The following CGN variants were observed in gnomAD, a reference collection of about 807,000 sequenced individuals.
The protein encoded by CGN is cingulin.
Under a neutral mutation model 157.1 loss-of-function variants are expected in CGN, and 121 were observed. The ratio of observed to expected loss-of-function variants is 0.77; its 90% confidence interval spans 0.66 to 0.90. CGN has a LOEUF of 0.90. Among genes scored for constraint, CGN ranks in the 40% least tolerant of loss-of-function variants. The pLI is 0.00. For missense variants in CGN, 1,424 were observed against 1,520.9 expected (o/e 0.94, Z 1.06); for synonymous variants, 535 against 607.5 (o/e 0.88, Z 1.76).
chr1:151,531,808 T>A (rs114684210), intron 13 of CGN, among the ~76,000 whole-genome samples: 2,225 of 150,858 alleles, frequency 0.015, 53 homozygotes, highest in African/African-American at 0.05. Context: ...AAGTGCACAT[T>A]TTATCATTTG....
chr1:151,524,663 A>G lies in CGN; in HGVS notation c.1402-11A>G, dbSNP rs1664627363. On this transcript the variant is annotated splice_polypyrimidine_tract_variant and intron_variant, in intron 7 of 20. Transcript: ENST00000271636. The surrounding 1 kb of genome is among the most constrained non-coding windows in gnomAD (Gnocchi z 4.4). ...TGGTCACCCCTGTACTTCTTCCTTT[A>G]TTTTCTCCAGGACCTGTTAGAGACC... 3.8e-6 allele frequency: 6 copies of G among 1,597,216 alleles called. No homozygotes were observed. Among genetic ancestry groups the G allele is most frequent in the Non-Finnish European group, 5.1e-6 (6 of 1,174,064 alleles).
chr1:151,511,033 G>C (rs1664268876), upstream of CGN: 1 of 152,276 alleles, frequency 6.6e-6, no homozygotes, highest in African/African-American at 2.4e-5. The surrounding 1 kb of genome is among the most constrained non-coding windows in gnomAD (Gnocchi z 4.8). Context: ...CCTGGCCGGC[G>C]ATTCCCTTGG....
chr1:151,524,759 A>T lies in CGN; in HGVS notation c.1487A>T (p.Glu496Val). ...GAGCAGCTGAGGCTGCGGGAGCGGG[A>T]GTTGACAGCCCTGAAGGGGGCCCTG... is the stretch of plus-strand genomic sequence containing the variant. ...VEEQLRLRER[E>V]LTALKGALKE... is the part of the protein sequence containing the mutation. Residue 496 changes from glutamate to valine, a missense_variant, in exon 8 of 21, where the codon GAG becomes GTG. By Grantham distance (121) the Glu-to-Val change is moderately radical. Coordinates refer to ENST00000271636, the MANE Select transcript of CGN (RefSeq NM_020770.3). The surrounding 1 kb of genome is among the most constrained non-coding windows in gnomAD (Gnocchi z 4.4). 6.2e-7 allele frequency: 1 copy of T among 1,612,142 alleles called. No homozygotes were observed. Among genetic ancestry groups the T allele is most frequent in the Admixed American group, 1.7e-5 (1 of 59,450 alleles).
In CGN at chr1:151,518,451, G is replaced by A. The variant is rs889775702; in HGVS notation, c.-14-55G>A. The A allele has an allele frequency of 6.9e-6, 10 of 1,452,100 alleles. No homozygotes were observed. In the African/African-American group the frequency reaches 1.4e-4, roughly 21 times the overall value. The allele number at this position is 1,452,100 out of a possible 1,614,324, so 90.0% of individuals were successfully genotyped here. On this transcript the variant is annotated intron_variant, in intron 1 of 20. Coordinates refer to ENST00000271636, the MANE Select transcript of CGN (RefSeq NM_020770.3). ...CAGGGAAGTCAGCCCGCAGGTAGAA[G>A]TTTCATAGTTTCTAGTGAAGTCTCT...
chr1:151,518,502 C>G lies in CGN; in HGVS notation c.-14-4C>G. On this transcript the variant is annotated splice_polypyrimidine_tract_variant and splice_region_variant and intron_variant, in intron 1 of 20. Coordinates refer to ENST00000271636, the MANE Select transcript of CGN (RefSeq NM_020770.3). ...CAGCCTAAACTCATTTCTTCATCTT[C>G]TAGGACTCCTCCTATTTATGGAGCA... 6.3e-7 allele frequency: 1 copy of G among 1,589,092 alleles called. No homozygotes were observed. Among genetic ancestry groups the G allele is most frequent in the Non-Finnish European group, 8.6e-7 (1 of 1,164,304 alleles).
In CGN at chr1:151,527,067, C is replaced by T. The variant is rs1310224614; in HGVS notation, c.1856C>T (p.Ala619Val). The T allele has an allele frequency of 1.9e-6, 3 of 1,614,138 alleles. No individual in the cohort carries two copies. Among genetic ancestry groups the T allele is most frequent in the Non-Finnish European group, 2.5e-6 (3 of 1,180,034 alleles). Residue 619 changes from alanine (A) to valine (V), a missense_variant, in exon 10 of 21, where the codon GCT (alanine) becomes GTT (valine). Coordinates refer to ENST00000271636, the MANE Select transcript of CGN (RefSeq NM_020770.3). ...VLQRELEQARASAGDTRQVEV... is the reference protein window; with the variant it reads ...VLQRELEQARVSAGDTRQVEV... Reference sequence around the variant, plus strand: ...CAGAGGGAATTAGAGCAGGCCCGAGCTAGTGCTGGAGATACTCGCCAGGTT... The same window carrying T: ...CAGAGGGAATTAGAGCAGGCCCGAGTTAGTGCTGGAGATACTCGCCAGGTT...
In CGN at chr1:151,532,587, T is replaced by C; in HGVS notation, c.2742+15T>C. 1 of 1,418,232 alleles carries C rather than the reference T, an allele frequency of 7.1e-7. No homozygotes were observed. The highest frequency in any genetic ancestry group is 9.3e-7 in the Non-Finnish European group (1 of 1,071,942). The allele number at this position is 1,418,232 out of a possible 1,614,324, so 87.9% of individuals were successfully genotyped here. A position where few individuals can be genotyped will look rare whatever the true frequency, so the allele number is the denominator to read the frequency against. Reference sequence around the variant, plus strand: ...TTCAGGATGAGGTAGAAGTCTAATATCCTTGGGTTTGAAGGTCCTTGCCTC... The same window carrying C: ...TTCAGGATGAGGTAGAAGTCTAATACCCTTGGGTTTGAAGGTCCTTGCCTC... On this transcript the variant is annotated intron_variant, in intron 14 of 20. Transcript: ENST00000271636.
Position 151,525,785 on chromosome 1 carries a change from G to T in CGN, c.1758G>T (p.Lys586Asn). 2 of 1,597,248 alleles carry T rather than the reference G, an allele frequency of 1.3e-6. No individual in the cohort carries two copies. Among genetic ancestry groups the T allele is most frequent in the Non-Finnish European group, 1.7e-6 (2 of 1,171,368 alleles). Reference protein sequence around the residue: ...QKNKEDLRATKQELLQLRMEK... With the variant: ...QKNKEDLRATNQELLQLRMEK... ...ACAAGGAGGATCTTAGAGCCACCAA[G>T]CAGGAGTAAGGACATTGGCCCTCTC... Residue 586 changes from lysine (K) to asparagine (N), a missense_variant, in exon 9 of 21, where the codon AAG (lysine) becomes AAT (asparagine). Coordinates refer to ENST00000271636, the MANE Select transcript of CGN (RefSeq NM_020770.3).
chr1:151,523,460 A>T lies in CGN; in HGVS notation c.1167A>T (p.Gln389His). The T allele has an allele frequency of 6.2e-7, 1 of 1,613,536 alleles. No individual in the cohort carries two copies. Among genetic ancestry groups the T allele is most frequent in the Non-Finnish European group, 8.5e-7 (1 of 1,179,788 alleles). ...VKKRQKLEPS[Q>H]VGLERQLEEK... The stretch of plus-strand genomic sequence containing the variant: ...AGCGGCAGAAGCTAGAGCCATCCCA[A>T]GTTGGGCTGGAGCGGCAGCTGGAGG... Residue 389 changes from glutamine (Q) to histidine (H), a missense_variant, in exon 6 of 21, where the codon CAA (glutamine) becomes CAT (histidine). Physicochemically the swap from Gln to His is conservative, Grantham distance 24. Coordinates refer to ENST00000271636, the MANE Select transcript of CGN (RefSeq NM_020770.3).
At chr1:151,515,802 A>G (rs966011064) in intron 1 of CGN, among the ~76,000 whole-genome samples, 18 of 152,310 alleles carry the variant, frequency 1.2e-4, no homozygotes, top group Non-Finnish European at 2.5e-4. Flanking sequence ...GGTTGCATAC[A>G]TCAGGTGAAG....
intron 20 of CGN, 69 bp from the exon 21 acceptor site, chr1:151,537,136 A>G: frequency 2.0e-6 from 3 of 1,524,970 alleles, no homozygotes; most frequent in Non-Finnish European, 2.7e-6. Flanking sequence ...TTTCCTTTGT[A>G]CAAAAAGGGT....
chr1:151,533,967 C>T lies in CGN; in HGVS notation c.2743-8C>T. 6.2e-7 allele frequency: 1 copy of T among 1,603,238 alleles called. No homozygotes were observed. The highest frequency in any genetic ancestry group is 1.1e-5 in the South Asian group (1 of 89,742). On this transcript the variant is annotated splice_region_variant and splice_polypyrimidine_tract_variant and intron_variant, in intron 14 of 20. Coordinates refer to ENST00000271636, the MANE Select transcript of CGN (RefSeq NM_020770.3). ...CACTGAGCTGTGGCATTTTTACCCC[C>T]TGCCCAGATCCAGAGGCTGCGGCAG...
chr1:151,536,324 T>A lies in CGN; in HGVS notation c.3285T>A (p.His1095Gln), dbSNP rs767409082. The stretch of plus-strand genomic sequence containing the variant: ...TCCAGATTGAAGACGAGCGGCAGCA[T>A]GTCAATGACCAGAAAGACCAGGTGA... The part of the protein sequence containing the change: ...LSIQIEDERQ[H>Q]VNDQKDQLSL... The change falls in exon 19 of 21, where the codon CAT becomes CAA. Residue 1095 changes from histidine to glutamine, a missense_variant. This residue lies in a region of CGN where 199 missense variants were observed against 272.2 expected (regional missense o/e 0.73). Transcript: ENST00000271636. 6.2e-7 allele frequency: 1 copy of A among 1,608,156 alleles called. No individual in the cohort carries two copies. Among genetic ancestry groups the A allele is most frequent in the African/African-American group, 1.3e-5 (1 of 74,822 alleles).
intron 5 of CGN, among the ~76,000 whole-genome samples, chr1:151,522,682 G>A: frequency 6.6e-6 from 1 of 151,854 alleles, no homozygotes; most frequent in Non-Finnish European, 1.5e-5. Flanking sequence ...GGGAGGCTGA[G>A]GTGGACAGAT....
In CGN at chr1:151,524,790, G is replaced by C. The variant is rs1440103708; in HGVS notation, c.1518G>C (p.Glu506Asp). Residue 506 changes from glutamate (E) to aspartate (D), a missense_variant, in exon 8 of 21, where the codon GAG becomes GAC. Around this residue, in one of 3 missense-constraint regions of CGN, gnomAD observed 1,187 missense variants for 1,217.6 expected, o/e 0.97. Coordinates refer to ENST00000271636, the MANE Select transcript of CGN (RefSeq NM_020770.3). This position sits in a 1 kb window ranked among gnomAD's most constrained non-coding sequence, Gnocchi z 4.4. ...CAGCCCTGAAGGGGGCCCTGAAAGA[G>C]GAGGTAGCCTCCCGTGACCAGGAGG... ...ELTALKGALK[E>D]EVASRDQEVE... 2.5e-6 allele frequency: 4 copies of C among 1,612,838 alleles called. No individual in the cohort carries two copies. Among genetic ancestry groups the C allele is most frequent in the Non-Finnish European group, 3.4e-6 (4 of 1,179,954 alleles).
At position 151,534,064 on chromosome 1, in the gene CGN, G is replaced by A. The variant is rs375514348; in HGVS notation, c.2832G>A (p.Gln944=). ...LDKELLAQRL[Q]GLEQEAENKK... The stretch of plus-strand genomic sequence containing the variant: ...AAGAGCTACTGGCCCAGCGACTGCA[G>A]GGGCTGGAGCAAGAGGCAGAGAACA... Residue 944 remains glutamine (Q), a synonymous_variant, in exon 15 of 21, where the codon CAG becomes CAA. Transcript: ENST00000271636. 8.1e-6 allele frequency: 13 copies of A among 1,613,752 alleles called. No homozygotes were observed. The highest frequency in any genetic ancestry group is 1.1e-5 in the Non-Finnish European group (13 of 1,179,842).
In CGN at chr1:151,524,089, G is replaced by A. The variant is rs374269054; in HGVS notation, c.1269-137G>A. Reference sequence around the variant, plus strand: ...GGAGGGCCAGGTTGTAGCGGGGCAGGTTGCAAAAATCAGGGGAGGCCTCAT... The same window carrying A: ...GGAGGGCCAGGTTGTAGCGGGGCAGATTGCAAAAATCAGGGGAGGCCTCAT... On this transcript the variant is annotated intron_variant, in intron 6 of 20. Transcript: ENST00000271636. The surrounding 1 kb of genome is among the most constrained non-coding windows in gnomAD (Gnocchi z 4.4). 9.3e-6 allele frequency: 7 copies of A among 755,318 alleles called. No homozygotes were observed. Among genetic ancestry groups the A allele is most frequent in the African/African-American group, 7.0e-5 (4 of 56,774 alleles). 46.8% of individuals were successfully genotyped at this position (755,318 alleles called of 1,614,324 possible).
chr1:151,533,610 C>T (rs751211890), intron 14 of CGN, among the ~76,000 whole-genome samples: 8 of 150,434 alleles, frequency 5.3e-5, no homozygotes, highest in Non-Finnish European at 1.0e-4. Flanking sequence ...TTGGCTAACA[C>T]GGTGAAACCC....
At position 151,534,089 on chromosome 1, in the gene CGN, A is replaced by T; in HGVS notation, c.2857A>T (p.Lys953Ter). 6.2e-7 allele frequency: 1 copy of T among 1,612,174 alleles called. No homozygotes were observed. The highest frequency in any genetic ancestry group is 1.3e-5 in the African/African-American group (1 of 74,982). The change falls in exon 15 of 21, where the codon AAG (lysine) becomes TAG (stop). Residue 953 changes from lysine to a stop codon, truncating the protein, a stop_gained. Transcript: ENST00000271636. LOFTEE classifies it high-confidence loss of function. Reference sequence around the variant, plus strand: ...GGGGCTGGAGCAAGAGGCAGAGAACAAGAAGCGTTCCCAGGACGACAGGGC... The same window carrying T: ...GGGGCTGGAGCAAGAGGCAGAGAACTAGAAGCGTTCCCAGGACGACAGGGC... Reference protein sequence around the residue: ...LQGLEQEAENKKRSQDDRARQ... With the variant: ...LQGLEQEAEN
Sources: gnomAD v4.1 joint callset for allele counts (sites outside exome capture counted in the v4.1 genomes callset) on GRCh38, gnomAD v4.1.1 for gene constraint, gnomAD v4.1.1 regional missense constraint, Gnocchi (gnomAD v3.1) non-coding constraint, MANE v1.5 for transcripts, NCBI Gene and HGNC (gene_info 2026-07-23, HGNC 2026-07-21) for gene names.